SLC25A48: variants seen among roughly 807,000 people sequenced by gnomAD.
SLC25A48 encodes the protein solute carrier family 25 member 48, also known as CTC-321K16.1.
Under a neutral mutation model 32.2 loss-of-function variants are expected in SLC25A48, and 29 were observed. That is an observed-to-expected ratio of 0.90 (90% CI 0.67 to 1.23). The LOEUF is 1.23. Ranked by LOEUF, SLC25A48 falls within the 50% of genes most tolerant of loss-of-function variation. The probability of loss-of-function intolerance (pLI) is 0.00; values close to 1 mark genes in which losing one functional copy is unlikely to be tolerated. For missense variants in SLC25A48, 399 were observed against 422.7 expected, an observed-to-expected ratio of 0.94 and a Z score of 0.49; for synonymous variants, 164 against 172.3, an observed-to-expected ratio of 0.95 and a Z score of 0.38.
chr5:135,694,507 T>C (rs1439747135), intron 3 of SLC25A48, among the ~76,000 whole-genome samples: 2 of 152,240 alleles, frequency 1.3e-5, no homozygotes, highest in Non-Finnish European at 2.9e-5. Context: ...TCAGCTCCCA[T>C]TACTCTACTT....
chr5:135,761,372 G>A (rs935067004), intron 3 of SLC25A48, among the ~76,000 whole-genome samples: 6 of 151,978 alleles, frequency 3.9e-5, no homozygotes, highest in Non-Finnish European at 7.4e-5. Flanking sequence ...AATGGGTGCA[G>A]CACACCAACA....
chr5:135,831,105 T>C (rs140179212), upstream of SLC25A48, among the ~76,000 whole-genome samples: 104 of 152,152 alleles, frequency 6.8e-4, no homozygotes, highest in African/African-American at 2.4e-3. Flanking sequence ...GAGGGAGTGA[T>C]CAGTGCAAAA....
intron 1 of SLC25A48, among the ~76,000 whole-genome samples, chr5:135,590,603 A>G (rs1188563165): frequency 2.0e-5 from 3 of 152,056 alleles, no homozygotes; most frequent in African/African-American, 7.2e-5. Flanking sequence ...CTGGGGGCTG[A>G]GCTAGTGGAG....
At chr5:135,610,245 G>T (rs1752035374) in intron 1 of SLC25A48, among the ~76,000 whole-genome samples, 1 of 152,142 alleles carries the variant, frequency 6.6e-6, no homozygotes, top group South Asian at 2.1e-4. Flanking sequence ...CCTGACGGGG[G>T]TGCCCATCTC....
chr5:135,681,021 A>G (rs541227928), intron 3 of SLC25A48, among the ~76,000 whole-genome samples: 5 of 151,414 alleles, frequency 3.3e-5, no homozygotes, highest in African/African-American at 1.2e-4. Context: ...GTTTCGCTCT[A>G]GTTGGCAAGG....
intron 4 of SLC25A48, among the ~76,000 whole-genome samples, chr5:135,860,872 G>A (rs1760722676): frequency 6.6e-6 from 1 of 152,212 alleles, no homozygotes; most frequent in South Asian, 2.1e-4. Context: ...CAGGTGCCAA[G>A]AGGCCTCTGG....
chr5:135,699,777 T>A (rs943385730), intron 3 of SLC25A48, among the ~76,000 whole-genome samples: 30 of 152,378 alleles, frequency 2.0e-4, no homozygotes, highest in African/African-American at 4.6e-4. Context: ...CACAGCCACC[T>A]GCTTGGTAAG....
chr5:135,808,993 T>C (rs1405693060), intron 3 of SLC25A48, among the ~76,000 whole-genome samples: 3 of 152,042 alleles, frequency 2.0e-5, no homozygotes, highest in Non-Finnish European at 4.4e-5. Context: ...GGGAGGAAAG[T>C]TTCTTGGTAT....
chr5:135,810,833 T>G (rs1757575322), intron 3 of SLC25A48, among the ~76,000 whole-genome samples: 1 of 152,156 alleles, frequency 6.6e-6, no homozygotes, highest in Non-Finnish European at 1.5e-5. Context: ...GTGTTTCCAT[T>G]TTTAGCCCAT....
At chr5:135,729,354 AT>A (rs201368113) in intron 3 of SLC25A48, among the ~76,000 whole-genome samples, 1,962 of 145,512 alleles carry the variant, frequency 0.013, 29 homozygotes, top group Admixed American at 0.043. Context: ...TTGAGGAAAG[AT>A]TTTTTTTTTT....
Position 135,781,919 on chromosome 5 carries a change from G to T in SLC25A48, c.-520-30604G>T, listed in dbSNP as rs1756723723. The stretch of plus-strand genomic sequence containing the variant: ...TGTGATATTGTTCCTAATAATCAGT[G>T]GTTGGGGGGAGGGGTGGAGGAGAAT... On this transcript the variant is annotated intron_variant, in intron 3 of 10. Transcript: ENST00000646290. Among the ~76,000 whole-genome samples, 4 of 113,854 alleles carry T rather than the reference G, an allele frequency of 3.5e-5. 1 individual carries two copies. The allele number at this position is 113,854 out of a possible 152,430, so 74.7% of individuals were successfully genotyped here. A position where few individuals can be genotyped will look rare whatever the true frequency, so the allele number is the denominator to read the frequency against.
chr5:135,830,904 G>A (rs1390491682), upstream of SLC25A48, among the ~76,000 whole-genome samples: 1 of 152,208 alleles, frequency 6.6e-6, no homozygotes, highest in African/African-American at 2.4e-5. Context: ...GAGCAACCAA[G>A]CATTGCACAA....
chr5:135,582,543 C>T (rs1021766114), intron 1 of SLC25A48, among the ~76,000 whole-genome samples: 1 of 152,058 alleles, frequency 6.6e-6, no homozygotes, highest in Non-Finnish European at 1.5e-5. Flanking sequence ...CACTCCTGGC[C>T]CTTCATGGTC....
intron 3 of SLC25A48, among the ~76,000 whole-genome samples, chr5:135,645,320 C>T (rs1011886530): frequency 6.6e-6 from 1 of 152,192 alleles, no homozygotes; most frequent in Non-Finnish European, 1.5e-5. Flanking sequence ...CTGTTGGCAA[C>T]CACTTTGTGT....
At chr5:135,624,726 C>T (rs1042864166) in intron 1 of SLC25A48, among the ~76,000 whole-genome samples, 26 of 152,126 alleles carry the variant, frequency 1.7e-4, no homozygotes, top group East Asian at 3.9e-4. Flanking sequence ...TTGTTTGAAG[C>T]GCGTTTGAGT....
At chr5:135,806,657 T>A (rs1757471032) in intron 3 of SLC25A48, among the ~76,000 whole-genome samples, 1 of 150,498 alleles carries the variant, frequency 6.6e-6, no homozygotes, top group Non-Finnish European at 1.5e-5. Flanking sequence ...AACTTAGCAC[T>A]GTGTGTTAAT....
chr5:135,745,570 A>G (rs1253869470), intron 3 of SLC25A48, among the ~76,000 whole-genome samples: 1 of 152,070 alleles, frequency 6.6e-6, no homozygotes. Context: ...TGGGAAGAAA[A>G]AAAAAGATTC....
intron 3 of SLC25A48, among the ~76,000 whole-genome samples, chr5:135,723,059 G>A (rs1199117090): frequency 6.6e-6 from 1 of 152,200 alleles, no homozygotes; most frequent in Non-Finnish European, 1.5e-5. Context: ...GCATGGCTAG[G>A]TATCTTCTTG....
rs1756728611 is a variant in SLC25A48, at chr5:135,782,066, G to GT, written c.-520-30452dup. ...GTGTCTACACCTTTTCTGTGATACTGTTTTTAATACCCAGGGCAGAGATTA... is the reference window on the plus strand; with the variant it reads ...GTGTCTACACCTTTTCTGTGATACTGTTTTTTAATACCCAGGGCAGAGATTA... On this transcript the variant is annotated intron_variant, in intron 3 of 10. Coordinates refer to the SLC25A48 transcript ENST00000646290. Among the ~76,000 whole-genome samples, 2 of 114,832 alleles carry GT rather than the reference G, an allele frequency of 1.7e-5. 1 individual carries two copies. Among genetic ancestry groups the GT allele is most frequent in the Non-Finnish European group, 4.3e-5 (2 of 46,408 alleles). The allele number at this position is 114,832 out of a possible 152,430, so 75.3% of individuals were successfully genotyped here.
Sources: allele counts gnomAD v4.1 joint callset (sites outside exome capture counted in the v4.1 genomes callset), GRCh38; gene constraint gnomAD v4.1.1; transcripts MANE v1.5; gene names NCBI Gene and HGNC (gene_info 2026-07-23, HGNC 2026-07-21).